Variants in SUGCT observed in about 807,000 individuals in gnomAD.
SUGCT encodes succinyl-CoA:glutarate-CoA transferase, also known as succinyl-CoA:glutarate CoA-transferase.
SUGCT carries 41 observed loss-of-function variants against 55.0 expected under a neutral mutation model. The observed-to-expected ratio is 0.74, with a 90% CI of 0.58 to 0.97. The LOEUF (loss-of-function observed/expected upper bound fraction) is 0.97, where lower values mean the gene tolerates loss of function less well. Among genes scored for constraint, SUGCT ranks in the 50% least tolerant of loss-of-function variants. The probability of loss-of-function intolerance (pLI) is 0.00; values close to 1 mark genes in which losing one functional copy is unlikely to be tolerated. For missense variants in SUGCT, 568 were observed against 547.8 expected, an observed-to-expected ratio of 1.04 and a Z score of -0.37; for synonymous variants, 187 against 200.4, an observed-to-expected ratio of 0.93 and a Z score of 0.56.
At chr7:40,752,323 C>T (rs898458443) in intron 13 of SUGCT, among the ~76,000 whole-genome samples, 2 of 152,128 alleles carry the variant, frequency 1.3e-5, no homozygotes, top group African/African-American at 4.8e-5. Context: ...AACCCTTATG[C>T]CTGCATCTTA....
the SUGCT span, among the ~76,000 whole-genome samples, chr7:40,951,191 G>T: frequency 6.6e-5 from 10 of 151,984 alleles, no homozygotes; most frequent in Admixed American, 5.2e-4. Flanking sequence ...GTCTTGGGAG[G>T]GTGTATGTGT....
the SUGCT span, among the ~76,000 whole-genome samples, chr7:41,020,013 T>G: frequency 6.6e-6 from 1 of 152,226 alleles, no homozygotes; most frequent in African/African-American, 2.4e-5. Flanking sequence ...TTTTGCCAAC[T>G]CCCAGCACTT....
intron 12 of SUGCT, among the ~76,000 whole-genome samples, chr7:40,512,324 A>C (rs79807046): frequency 0.012 from 1,903 of 152,280 alleles, 27 homozygotes; most frequent in African/African-American, 0.041. Flanking sequence ...TTCCCAATAT[A>C]CATATCCCAG....
At chr7:40,948,100 C>T in the SUGCT span, among the ~76,000 whole-genome samples, 1 of 152,140 alleles carries the variant, frequency 6.6e-6, no homozygotes, top group Non-Finnish European at 1.5e-5. Context: ...GTTTGTTTTA[C>T]AAAGAAACCC....
the SUGCT span, among the ~76,000 whole-genome samples, chr7:41,008,102 C>T: frequency 0.027 from 4,179 of 152,288 alleles, 186 homozygotes; most frequent in South Asian, 0.19. Context: ...CCTCCCCCTC[C>T]CGTAGACCCA....
the SUGCT span, among the ~76,000 whole-genome samples, chr7:40,957,166 A>G: frequency 6.6e-6 from 1 of 152,144 alleles, no homozygotes; most frequent in Non-Finnish European, 1.5e-5. Context: ...CAAGTCCTGA[A>G]TATCCTTGTT....
At chr7:40,999,986 C>T in the SUGCT span, among the ~76,000 whole-genome samples, 1 of 152,120 alleles carries the variant, frequency 6.6e-6, no homozygotes, top group Non-Finnish European at 1.5e-5. Flanking sequence ...GGTAAGTTGG[C>T]CCCATCCAAC....
intron 8 of SUGCT, among the ~76,000 whole-genome samples, chr7:40,302,080 C>T (rs1017505035): frequency 3.3e-5 from 5 of 152,176 alleles, no homozygotes; most frequent in African/African-American, 1.2e-4. Flanking sequence ...TCTTTCAGTG[C>T]CAAACTTCAT....
chr7:40,237,376 G>A (rs954918683), intron 6 of SUGCT, among the ~76,000 whole-genome samples: 2 of 151,954 alleles, frequency 1.3e-5, no homozygotes, highest in African/African-American at 4.8e-5. Flanking sequence ...CCTGGGAGGT[G>A]GAGGTTGCAG....
chr7:40,506,478 G>A (rs1792602790), intron 12 of SUGCT, among the ~76,000 whole-genome samples: 1 of 152,014 alleles, frequency 6.6e-6, no homozygotes, highest in Non-Finnish European at 1.5e-5. Flanking sequence ...CTGGATGTTT[G>A]TGGTTCTATT....
intron 9 of SUGCT, among the ~76,000 whole-genome samples, chr7:40,415,268 C>CA (rs35619419): frequency 0.68 from 72,972 of 107,628 alleles, 23,832 homozygotes; most frequent in East Asian, 0.95. Context: ...GACTCCATCT[C>CA]AAAAAAAAAA....
At chr7:40,577,632 G>A (rs1380821281) in intron 12 of SUGCT, among the ~76,000 whole-genome samples, 1 of 152,096 alleles carries the variant, frequency 6.6e-6, no homozygotes, top group Non-Finnish European at 1.5e-5. Context: ...AGCTGTCAGT[G>A]CTATATGCAC....
intron 8 of SUGCT, among the ~76,000 whole-genome samples, chr7:40,277,943 G>GT (rs1366355176): frequency 6.6e-6 from 1 of 151,812 alleles, no homozygotes; most frequent in Non-Finnish European, 1.5e-5. Context: ...GCGGTGTTTG[G>GT]TTTTTTATCC....
intron 12 of SUGCT, chr7:40,499,432 G>T: frequency 1.1e-5 from 2 of 189,848 alleles, no homozygotes; most frequent in South Asian, 9.0e-5. Flanking sequence ...CATGGATTGA[G>T]GTAACTTGAT....
At position 40,696,035 on chromosome 7, in the gene SUGCT, A is replaced by G. The variant is rs558279879; in HGVS notation, c.1090-53399A>G. Among the ~76,000 whole-genome samples, 103 of 152,298 alleles carry G rather than the reference A, an allele frequency of 6.8e-4. No homozygotes were observed. In the South Asian group the frequency reaches 9.8e-3, roughly 14 times the overall value. ...GCTTGTCTACTTACTACTGTATACC[A>G]CCAACCCATCCTACAGTTCTTTTCC... is the stretch of plus-strand genomic sequence containing the variant. On this transcript the variant is annotated intron_variant, in intron 12 of 13. Transcript: ENST00000335693.
intron 12 of SUGCT, among the ~76,000 whole-genome samples, chr7:40,628,980 G>A (rs1799657243): frequency 6.6e-6 from 1 of 152,134 alleles, no homozygotes. Context: ...GACCTCAGGT[G>A]ATAGGATTTA....
At chr7:40,196,700 TTG>T (rs1466018458) in intron 6 of SUGCT, among the ~76,000 whole-genome samples, 1 of 152,106 alleles carries the variant, frequency 6.6e-6, no homozygotes, top group African/African-American at 2.4e-5. Context: ...GGGTAATTTT[TTG>T]TGTGTTTTTC....
chr7:40,511,698 A>G (rs1792941397), intron 12 of SUGCT, among the ~76,000 whole-genome samples: 1 of 152,244 alleles, frequency 6.6e-6, no homozygotes, highest in Non-Finnish European at 1.5e-5. Context: ...CACATTACAT[A>G]AATGCAAAGA....
At chr7:40,450,730 C>T (rs764861114) in intron 10 of SUGCT, among the ~76,000 whole-genome samples, 30 of 151,562 alleles carry the variant, frequency 2.0e-4, no homozygotes, top group Non-Finnish European at 3.8e-4. Flanking sequence ...GCCGAGATTG[C>T]GCCACTGCAC....
Sources: allele counts gnomAD v4.1 joint callset (sites outside exome capture counted in the v4.1 genomes callset), GRCh38; gene constraint gnomAD v4.1.1; transcripts MANE v1.5; gene names NCBI Gene and HGNC (gene_info 2026-07-23, HGNC 2026-07-21).